Variants in NAA60 observed in about 807,000 individuals in gnomAD.
The protein encoded by NAA60 is N-alpha-acetyltransferase 60.
Under a neutral mutation model 26.1 loss-of-function variants are expected in NAA60, and 8 were observed. The observed-to-expected ratio is 0.31, with a 90% CI of 0.18 to 0.55. The LOEUF is 0.55. NAA60 is among the 20% of genes least tolerant of loss of function. NAA60 has a pLI of 0.93. For missense variants in NAA60, 290 were observed against 311.3 expected, an observed-to-expected ratio of 0.93 and a Z score of 0.51; for synonymous variants, 131 against 122.5, an observed-to-expected ratio of 1.07 and a Z score of -0.46.
At chr16:3,458,190 G>C in intron 2 of NAA60, 1 of 984,754 alleles carries the variant, frequency 1.0e-6, no homozygotes, top group Non-Finnish European at 1.2e-6. Flanking sequence ...AGGTGAGGTG[G>C]CGGGGGGCGG....
chr16:3,451,960 A>T (rs2034803762), intron 2 of NAA60, among the ~76,000 whole-genome samples: 1 of 151,136 alleles, frequency 6.6e-6, no homozygotes. Flanking sequence ...GTAATCCCAG[A>T]ATCCCAGCAC....
chr16:3,467,751 C>A (rs1265941191), intron 2 of NAA60: 1 of 152,198 alleles, frequency 6.6e-6, no homozygotes, highest in Non-Finnish European at 1.5e-5. Flanking sequence ...ATCTTGGCGG[C>A]CCTTCCTCCA....
chr16:3,450,061 A>C (rs993791533), intron 2 of NAA60: 1 of 397,782 alleles, frequency 2.5e-6, no homozygotes, highest in Non-Finnish European at 4.4e-6. Context: ...GAAGGAACTA[A>C]AGAAGAATTT....
chr16:3,452,936 C>G (rs2034843329), intron 2 of NAA60, among the ~76,000 whole-genome samples: 1 of 152,096 alleles, frequency 6.6e-6, no homozygotes, highest in Non-Finnish European at 1.5e-5. Context: ...ACTTGGGTGA[C>G]AGAGTGAGAC....
At chr16:3,447,372 G>A (rs1427006493) in intron 1 of NAA60, 5 of 582,240 alleles carry the variant, frequency 8.6e-6, no homozygotes, top group Non-Finnish European at 8.7e-6. Flanking sequence ...TTTGATGCAG[G>A]CATGCAATGT....
chr16:3,477,310 A>G (rs1199533081), intron 3 of NAA60, among the ~76,000 whole-genome samples: 1 of 152,220 alleles, frequency 6.6e-6, no homozygotes, highest in African/African-American at 2.4e-5. Context: ...TTTTTGATGA[A>G]AAAAGTTGAC....
At chr16:3,471,153 C>T (rs1287104879) in intron 2 of NAA60, among the ~76,000 whole-genome samples, 2 of 152,084 alleles carry the variant, frequency 1.3e-5, no homozygotes, top group African/African-American at 4.8e-5. Flanking sequence ...GAGCTTATTA[C>T]GAATCTGTCT....
rs575101265 is a variant in NAA60, at chr16:3,460,020, C to T, written c.-7+11480C>T. ...GCCCTGTTCTTGCTAACTGGGTGCT[C>T]GTAACTGGAGACGGGGTGTACCTGT... On this transcript the variant is annotated intron_variant, in intron 2 of 7. Coordinates refer to ENST00000407558, the MANE Select transcript of NAA60 (RefSeq NM_001083601.3). 9.2e-5 allele frequency among the ~76,000 whole-genome samples: 14 copies of T among 152,210 alleles called. No individual in the cohort carries two copies. In the East Asian group the frequency reaches 2.1e-3, roughly 23 times the overall value.
At chr16:3,454,747 C>T (rs537070949) in intron 2 of NAA60, among the ~76,000 whole-genome samples, 1 of 152,288 alleles carries the variant, frequency 6.6e-6, no homozygotes, top group African/African-American at 2.4e-5. Context: ...TGTCCCTCTG[C>T]TTGACTTGCT....
At position 3,485,676 on chromosome 16, in the gene NAA60, C is replaced by G. The variant is rs2037115705; in HGVS notation, c.*416C>G. 2 of 456,642 alleles carry G rather than the reference C, an allele frequency of 4.4e-6. No homozygotes were observed. The highest frequency in any genetic ancestry group is 1.5e-5 in the South Asian group (1 of 64,576). The allele number at this position is 456,642 out of a possible 1,614,324, so 28.3% of individuals were successfully genotyped here. A position where few individuals can be genotyped will look rare whatever the true frequency, so the allele number is the denominator to read the frequency against. The stretch of plus-strand genomic sequence containing the variant: ...GACTTTCTCCTGCAAGGGAGGAACG[C>G]AAGTATTATGGACACACTTGACCGT... On this transcript the variant is annotated 3_prime_UTR_variant, in exon 8 of 8. Transcript: ENST00000407558.
chr16:3,463,191 A>T (rs906432673), intron 2 of NAA60, among the ~76,000 whole-genome samples: 4 of 152,158 alleles, frequency 2.6e-5, no homozygotes, highest in African/African-American at 4.8e-5. Flanking sequence ...ATTTGAAAAC[A>T]CACTATTAAA....
At chr16:3,450,547 A>C (rs539415471) in intron 2 of NAA60, among the ~76,000 whole-genome samples, 3 of 152,002 alleles carry the variant, frequency 2.0e-5, no homozygotes, top group Admixed American at 6.6e-5. Context: ...AAAAATACAA[A>C]AAATTAGCCG....
intron 7 of NAA60, 29 bp from the exon 8 acceptor site, chr16:3,485,438 A>G (rs1596369187): frequency 2.2e-6 from 1 of 458,482 alleles, no homozygotes; most frequent in Non-Finnish European, 4.4e-6. Flanking sequence ...CCGGGCCTTC[A>G]CCCTGCCCTG....
At chr16:3,471,276 C>T (rs563333183) in intron 2 of NAA60, among the ~76,000 whole-genome samples, 8 of 152,140 alleles carry the variant, frequency 5.3e-5, no homozygotes, top group African/African-American at 1.4e-4. Context: ...GCAAGGCAGG[C>T]GGATCATGAG....
intron 1 of NAA60, among the ~76,000 whole-genome samples, chr16:3,446,696 C>T (rs1380559035): frequency 1.3e-5 from 2 of 151,430 alleles, no homozygotes; most frequent in East Asian, 1.9e-4. Context: ...CTGCAACTTC[C>T]GCCTCCTGGG....
At chr16:3,473,575 C>G (rs1207182534) in intron 2 of NAA60, among the ~76,000 whole-genome samples, 1 of 152,114 alleles carries the variant, frequency 6.6e-6, no homozygotes, top group Non-Finnish European at 1.5e-5. Context: ...AGGGACAGAG[C>G]CAAACCATAT....
chr16:3,447,547 C>T (rs993817379), intron 1 of NAA60: 58 of 985,172 alleles, frequency 5.9e-5, no homozygotes, highest in Non-Finnish European at 6.5e-5. Flanking sequence ...CCGCCTTTAC[C>T]GTATCCTTCA....
chr16:3,477,463 T>C (rs920935886), intron 3 of NAA60, among the ~76,000 whole-genome samples: 14 of 152,336 alleles, frequency 9.2e-5, no homozygotes, highest in Middle Eastern at 3.4e-3. Flanking sequence ...GCGGGAACTG[T>C]CACAGTCCAG....
intron 2 of NAA60, among the ~76,000 whole-genome samples, chr16:3,474,153 C>G (rs1180728637): frequency 1.3e-5 from 2 of 152,204 alleles, no homozygotes; most frequent in Non-Finnish European, 2.9e-5. Flanking sequence ...TAAAGCTGAG[C>G]ATGAACTACT....
Sources: gnomAD v4.1 joint callset for allele counts (sites outside exome capture counted in the v4.1 genomes callset) on GRCh38, gnomAD v4.1.1 for gene constraint, MANE v1.5 for transcripts, NCBI Gene and HGNC (gene_info 2026-07-23, HGNC 2026-07-21) for gene names.